CEP41: variants seen among roughly 807,000 people sequenced by gnomAD.
CEP41 encodes centrosomal protein 41.
A neutral mutation model predicts 44.3 loss-of-function variants in CEP41; 32 were observed. The observed-to-expected ratio is 0.72, with a 90% CI of 0.54 to 0.97. The LOEUF (loss-of-function observed/expected upper bound fraction) is 0.97, where lower values mean the gene tolerates loss of function less well. Among genes scored for constraint, CEP41 ranks in the 50% least tolerant of loss-of-function variants. The pLI is 0.00. For missense variants in CEP41, 432 were observed against 455.2 expected (o/e 0.95, Z 0.46); for synonymous variants, 151 against 168.5 (o/e 0.90, Z 0.80).
In CEP41 at chr7:130,397,531, T is replaced by G; in HGVS notation, c.*1360A>C. 2 of 406,948 alleles carry G rather than the reference T, an allele frequency of 4.9e-6. No individual in the cohort carries two copies. Among genetic ancestry groups the G allele is most frequent in the African/African-American group, 2.2e-5 (1 of 46,186 alleles). 25.2% of individuals were successfully genotyped at this position (406,948 alleles called of 1,614,324 possible). ...ATTTTTTTTTTTTTTTTTTTTTTTT[T>G]TTGGTGGCGAGAAAATAGTACTGTT... On this transcript the variant is annotated 3_prime_UTR_variant, in exon 11 of 11. Transcript: ENST00000223208.
rs147305716 is a variant in CEP41 at position 130,420,931 on chromosome 7, A to C, written c.98-3965T>G. The C allele has an allele frequency of 5.3e-5, 52 of 981,508 alleles. No homozygotes were observed. In the African/African-American group the frequency reaches 8.6e-4, roughly 16 times the overall value. The allele number at this position is 981,508 out of a possible 1,614,324, so 60.8% of individuals were successfully genotyped here. A position where few individuals can be genotyped will look rare whatever the true frequency, so the allele number is the denominator to read the frequency against. ...CTGCACACCTGATTTTCTTTAAACT[A>C]TGTACAACTTGACTTATATACAGTA... On this transcript the variant is annotated intron_variant, in intron 2 of 10. Coordinates refer to ENST00000223208, the MANE Select transcript of CEP41 (RefSeq NM_018718.3).
chr7:130,410,559 C>T (rs554369352), intron 5 of CEP41, among the ~76,000 whole-genome samples: 52 of 152,290 alleles, frequency 3.4e-4, no homozygotes, highest in African/African-American at 1.1e-3. Flanking sequence ...GCAGCTTGGG[C>T]CTCTCATCTG....
At position 130,421,236 on chromosome 7, in the gene CEP41, A is replaced by T. The variant is rs1157113821; in HGVS notation, c.98-4270T>A. On this transcript the variant is annotated intron_variant, in intron 2 of 10. Coordinates refer to ENST00000223208, the MANE Select transcript of CEP41 (RefSeq NM_018718.3). ...TAATAACATTATTTATACTGAGCCA[A>T]TAAGAAAAGCAAGTGATTTTGTGCA... The T allele has an allele frequency of 4.1e-6, 4 of 985,278 alleles. No individual in the cohort carries two copies. In the African/African-American group the frequency reaches 7.0e-5, roughly 17 times the overall value. The allele number at this position is 985,278 out of a possible 1,614,324, so 61.0% of individuals were successfully genotyped here. A position where few individuals can be genotyped will look rare whatever the true frequency, so the allele number is the denominator to read the frequency against.
At chr7:130,422,124 A>T (rs1680271044) in intron 2 of CEP41, 1 of 1,223,318 alleles carries the variant, frequency 8.2e-7, no homozygotes, top group African/African-American at 1.5e-5. Context: ...AACAAAAAAT[A>T]ATCTTTAACC....
chr7:130,409,277 C>G (rs972656509), intron 5 of CEP41, among the ~76,000 whole-genome samples: 1 of 152,132 alleles, frequency 6.6e-6, no homozygotes, highest in Non-Finnish European at 1.5e-5. Context: ...TTATGGTGTC[C>G]TACTTTACAA....
At chr7:130,412,003 C>T in intron 4 of CEP41, 176 bp downstream of exon 4, 3 of 613,832 alleles carry the variant, frequency 4.9e-6, no homozygotes, top group Non-Finnish European at 3.0e-6. Context: ...AAACATTTCT[C>T]ACCATCTTCA....
chr7:130,396,545 G>C lies in CEP41; in HGVS notation c.*2346C>G, dbSNP rs1554414611. ...TAGCAAACGACAAATTAGTAACTAT[G>C]TACTTTAATCTTCAACATTCATAAT... On this transcript the variant is annotated 3_prime_UTR_variant, in exon 11 of 11. Coordinates refer to ENST00000223208, the MANE Select transcript of CEP41 (RefSeq NM_018718.3). 1.1e-5 allele frequency: 5 copies of C among 454,512 alleles called. No individual in the cohort carries two copies. In the Admixed American group the frequency reaches 1.2e-4, roughly 11 times the overall value. 28.2% of individuals were successfully genotyped at this position (454,512 alleles called of 1,614,324 possible). A position where few individuals can be genotyped will look rare whatever the true frequency, so the allele number is the denominator to read the frequency against.
intron 1 of CEP41, among the ~76,000 whole-genome samples, chr7:130,433,393 T>G (rs187535895): frequency 2.1e-4 from 31 of 151,206 alleles, no homozygotes; most frequent in Admixed American, 6.6e-4. Context: ...TAAGAGAGGT[T>G]GAAAATGGTA....
At chr7:130,432,470 G>C (rs1463265376) in intron 1 of CEP41, among the ~76,000 whole-genome samples, 1 of 151,708 alleles carries the variant, frequency 6.6e-6, no homozygotes, top group Admixed American at 6.6e-5. Context: ...TGGAACTATC[G>C]GCTGGGCACA....
At chr7:130,436,668 G>A (rs1315056869) in intron 1 of CEP41, among the ~76,000 whole-genome samples, 1 of 148,736 alleles carries the variant, frequency 6.7e-6, no homozygotes, top group African/African-American at 2.5e-5. Context: ...GCAACTTCCT[G>A]TGAATCTATA....
rs1554415620 is a variant in CEP41, at chr7:130,398,117, C to A, written c.*774G>T. The A allele has an allele frequency of 2.2e-6, 1 of 454,048 alleles. No homozygotes were observed. Among genetic ancestry groups the A allele is most frequent in the Admixed American group, 2.3e-5 (1 of 42,582 alleles). The allele number at this position is 454,048 out of a possible 1,614,324, so 28.1% of individuals were successfully genotyped here. On this transcript the variant is annotated 3_prime_UTR_variant, in exon 11 of 11. Transcript: ENST00000223208. Reference sequence around the variant, plus strand: ...ATATACTGACCACAAGTGAGGGCCGCTTTGGTGGGCTTCAAGGGGCACAGG... The same window carrying A: ...ATATACTGACCACAAGTGAGGGCCGATTTGGTGGGCTTCAAGGGGCACAGG...
rs782337152 is a variant in CEP41, at chr7:130,395,177, T to G, written c.*3714A>C. ...TCATAATAATAATTTCAATAATTAT[T>G]GTAAATCTAGGAAAGTATTACTACC... On this transcript the variant is annotated 3_prime_UTR_variant, in exon 11 of 11. Transcript: ENST00000223208. 1 of 453,186 alleles carries G rather than the reference T, an allele frequency of 2.2e-6. No individual in the cohort carries two copies. Among genetic ancestry groups the G allele is most frequent in the South Asian group, 1.6e-5 (1 of 64,308 alleles). The allele number at this position is 453,186 out of a possible 1,614,324, so 28.1% of individuals were successfully genotyped here.
chr7:130,422,037 A>T, intron 2 of CEP41: 1 of 1,535,300 alleles, frequency 6.5e-7, no homozygotes, highest in Non-Finnish European at 8.7e-7. Flanking sequence ...TTTGAAGTTC[A>T]AAATAATTCT....
chr7:130,413,282 C>T (rs116175549), intron 3 of CEP41, among the ~76,000 whole-genome samples: 20,138 of 152,122 alleles, frequency 0.13, 1,461 homozygotes, highest in African/African-American at 0.18. Context: ...TGAGCCAAAG[C>T]GTCCGGCCCC....
intron 2 of CEP41, chr7:130,421,985 G>C: frequency 5.2e-6 from 8 of 1,536,014 alleles, no homozygotes; most frequent in Non-Finnish European, 6.1e-6. Context: ...GTGCTGGGGA[G>C]CTGGTAAGAT....
upstream of CEP41, chr7:130,441,068 C>G: frequency 7.5e-7 from 1 of 1,333,992 alleles, no homozygotes; most frequent in South Asian, 1.2e-5. Context: ...CCTATACCCT[C>G]TTCTCCGATT....
Position 130,400,213 on chromosome 7 carries a change from TAA to T in CEP41, c.797_798del (p.Ile266AsnfsTer31). On this transcript the variant is annotated frameshift_variant, in exon 10 of 11. Transcript: ENST00000223208. LOFTEE classifies it high-confidence loss of function. Reference sequence around the variant, plus strand: ...TGGCAAGATGCTGGCAGGGAACCAGTAATCAGTCCTTCCGGGAATTTCTGAGC... The same window carrying T: ...TGGCAAGATGCTGGCAGGGAACCAGTTCAGTCCTTCCGGGAATTTCTGAGC... ...VLAQKFPEGLITGSLPASCQQ... is the reference protein window; with the variant it reads ...VLAQKFPEGLXTGSLPASCQQ... The T allele has an allele frequency of 6.2e-7, 1 of 1,613,948 alleles. No homozygotes were observed. The highest frequency in any genetic ancestry group is 8.5e-7 in the Non-Finnish European group (1 of 1,179,916).
intron 3 of CEP41, among the ~76,000 whole-genome samples, chr7:130,412,749 C>T (rs1797221868): frequency 6.6e-6 from 1 of 152,202 alleles, no homozygotes; most frequent in Admixed American, 6.5e-5. Flanking sequence ...TGCCATTACA[C>T]ACTATGCTGA....
At chr7:130,433,134 T>C (rs1158302152) in intron 1 of CEP41, among the ~76,000 whole-genome samples, 1 of 151,836 alleles carries the variant, frequency 6.6e-6, no homozygotes, top group African/African-American at 2.4e-5. Context: ...AAAAGTGAAT[T>C]TGAATTTAGC....
Sources: gnomAD v4.1 joint callset for allele counts (sites outside exome capture counted in the v4.1 genomes callset) on GRCh38, gnomAD v4.1.1 for gene constraint, MANE v1.5 for transcripts, NCBI Gene and HGNC (gene_info 2026-07-23, HGNC 2026-07-21) for gene names.